The following ANGPTL2 variants were observed in gnomAD, a reference collection of about 807,000 sequenced individuals.
The protein encoded by ANGPTL2 is angiopoietin-related protein 2.
A neutral mutation model predicts 52.8 loss-of-function variants in ANGPTL2; 25 were observed. The observed-to-expected ratio is 0.47, with a 90% CI of 0.35 to 0.66. The LOEUF is 0.66. Among genes scored for constraint, ANGPTL2 ranks in the 30% least tolerant of loss-of-function variants. The probability of loss-of-function intolerance (pLI) is 0.01; values close to 1 mark genes in which losing one functional copy is unlikely to be tolerated. For missense variants in ANGPTL2, 546 were observed against 656.9 expected (o/e 0.83, Z 1.84); for synonymous variants, 276 against 277.4 (o/e 1.00, Z 0.05).
chr9:127,097,721 A>C (rs1050209834), intron 2 of ANGPTL2, among the ~76,000 whole-genome samples: 2 of 152,264 alleles, frequency 1.3e-5, no homozygotes, highest in African/African-American at 4.8e-5. Flanking sequence ...TAGCTGTTCC[A>C]TATAAATAAT....
chr9:127,112,294 C>T (rs951412076), intron 1 of ANGPTL2, among the ~76,000 whole-genome samples: 18 of 152,352 alleles, frequency 1.2e-4, no homozygotes, highest in African/African-American at 4.3e-4. Context: ...TTGGCTGCCC[C>T]TGTGCTAGTG....
Position 127,091,769 on chromosome 9 carries a change from G to A in ANGPTL2, c.1183C>T (p.Leu395=), listed in dbSNP as rs1236936268. 11 of 1,614,074 alleles carry A rather than the reference G, an allele frequency of 6.8e-6. No homozygotes were observed. The highest frequency in any genetic ancestry group is 9.3e-6 in the Non-Finnish European group (11 of 1,180,046). Residue 395 remains leucine, a synonymous_variant, in exon 4 of 5, where the codon CTG becomes TTG. Transcript: ENST00000373425. This position sits in a 1 kb window ranked among gnomAD's most constrained non-coding sequence, Gnocchi z 4.3. ...TTGCCATGGTAGCGCCCCAGCCGCAGCTTATAATACTCGCTCTCAGGTTCC... is the reference window on the plus strand; with the variant it reads ...TTGCCATGGTAGCGCCCCAGCCGCAACTTATAATACTCGCTCTCAGGTTCC... The part of the protein sequence containing the change: ...RLEPESEYYK[L]RLGRYHGNAG...
At chr9:127,115,100 A>C (rs2055259077) in intron 1 of ANGPTL2, among the ~76,000 whole-genome samples, 1 of 152,200 alleles carries the variant, frequency 6.6e-6, no homozygotes, top group Non-Finnish European at 1.5e-5. Flanking sequence ...GCTGTACTCT[A>C]TCTCATTGGC....
At chr9:127,089,697 C>CTTCACAAAAT (rs1427028875) in intron 4 of ANGPTL2, among the ~76,000 whole-genome samples, 1 of 152,226 alleles carries the variant, frequency 6.6e-6, no homozygotes, top group Non-Finnish European at 1.5e-5. Flanking sequence ...TTTTGTATTA[C>CTTCACAAAAT]TTCACAAAGG....
At chr9:127,105,348 C>A (rs1035001432) in intron 2 of ANGPTL2, among the ~76,000 whole-genome samples, 2 of 152,208 alleles carry the variant, frequency 1.3e-5, no homozygotes, top group African/African-American at 2.4e-5. Flanking sequence ...TGGATACACA[C>A]AGCCCACACT....
At position 127,088,882 on chromosome 9, in the gene ANGPTL2, G is replaced by A; in HGVS notation, c.*57C>T. On this transcript the variant is annotated 3_prime_UTR_variant, in exon 5 of 5. Coordinates refer to ENST00000373425, the MANE Select transcript of ANGPTL2 (RefSeq NM_012098.3). ...GGAGTTGTTCTTTGTGCTGTGGCCA[G>A]CGTGACCAGGGTGGGCTCCTGGCAA... The A allele has an allele frequency of 6.3e-7, 1 of 1,599,192 alleles. No homozygotes were observed. The highest frequency in any genetic ancestry group is 8.6e-7 in the Non-Finnish European group (1 of 1,166,932).
intron 2 of ANGPTL2, among the ~76,000 whole-genome samples, chr9:127,100,071 T>A (rs951017479): frequency 1.5e-4 from 23 of 152,268 alleles, no homozygotes; most frequent in Admixed American, 1.4e-3. Context: ...AAATTTTGTC[T>A]TCATGAAAAT....
At chr9:127,114,237 A>T (rs1004972343) in intron 1 of ANGPTL2, among the ~76,000 whole-genome samples, 8 of 152,230 alleles carry the variant, frequency 5.3e-5, no homozygotes, top group African/African-American at 1.9e-4. Context: ...TTTATATTGT[A>T]GCAATTTTCT....
intron 2 of ANGPTL2, among the ~76,000 whole-genome samples, chr9:127,095,813 T>C (rs2053063710): frequency 6.6e-6 from 1 of 152,222 alleles, no homozygotes; most frequent in Admixed American, 6.5e-5. Context: ...TTCTGGTCTC[T>C]GTTAGACATC....
Position 127,088,884 on chromosome 9 carries a change from G to C in ANGPTL2, c.*55C>G, listed in dbSNP as rs537547903. The C allele has an allele frequency of 1.9e-6, 3 of 1,601,488 alleles. No individual in the cohort carries two copies. The highest frequency in any genetic ancestry group is 2.6e-6 in the Non-Finnish European group (3 of 1,168,880). On this transcript the variant is annotated 3_prime_UTR_variant, in exon 5 of 5. Coordinates refer to ENST00000373425, the MANE Select transcript of ANGPTL2 (RefSeq NM_012098.3). Reference sequence around the variant, plus strand: ...AGTTGTTCTTTGTGCTGTGGCCAGCGTGACCAGGGTGGGCTCCTGGCAATG... The same window carrying C: ...AGTTGTTCTTTGTGCTGTGGCCAGCCTGACCAGGGTGGGCTCCTGGCAATG...
At chr9:127,119,839 G>A (rs2055858424) in intron 1 of ANGPTL2, among the ~76,000 whole-genome samples, 1 of 152,218 alleles carries the variant, frequency 6.6e-6, no homozygotes. Context: ...AAGTCAGTCA[G>A]AGCCTCTGCT....
chr9:127,091,038 G>A lies in ANGPTL2; in HGVS notation c.1282+632C>T, dbSNP rs1256705087. Reference sequence around the variant, plus strand: ...TCTCCTATCTGCTTTCCTCTTAATAGCTTCCTCTCAGCACTGCACTAGCAT... The same window carrying A: ...TCTCCTATCTGCTTTCCTCTTAATAACTTCCTCTCAGCACTGCACTAGCAT... On this transcript the variant is annotated intron_variant, in intron 4 of 4. Transcript: ENST00000373425. The surrounding 1 kb of genome is among the most constrained non-coding windows in gnomAD (Gnocchi z 4.3). Among the ~76,000 whole-genome samples the A allele has an allele frequency of 1.3e-5, 2 of 152,152 alleles. No individual in the cohort carries two copies. Among genetic ancestry groups the A allele is most frequent in the African/African-American group, 4.8e-5 (2 of 41,420 alleles).
intron 4 of ANGPTL2, among the ~76,000 whole-genome samples, chr9:127,090,696 CA>C (rs2052361241): frequency 6.6e-6 from 1 of 152,168 alleles, no homozygotes; most frequent in Non-Finnish European, 1.5e-5. Flanking sequence ...TGACCAAGAC[CA>C]CATAGGAAAT....
chr9:127,105,142 G>A (rs1349492937), intron 2 of ANGPTL2, among the ~76,000 whole-genome samples: 1 of 152,166 alleles, frequency 6.6e-6, no homozygotes, highest in Non-Finnish European at 1.5e-5. Context: ...GCCTTGTGTG[G>A]GAGCTCAGTG....
rs2052529571 is a variant in ANGPTL2, at chr9:127,091,927, T to A, written c.1025A>T (p.Asn342Ile). The A allele has an allele frequency of 6.2e-7, 1 of 1,613,788 alleles. No individual in the cohort carries two copies. The highest frequency in any genetic ancestry group is 1.1e-5 in the South Asian group (1 of 91,064). The change falls in exon 4 of 5, where the codon AAC (asparagine) becomes ATC (isoleucine). Residue 342 changes from asparagine to isoleucine, a missense_variant. Physicochemically the swap from Asn to Ile is moderately radical, Grantham distance 149 (BLOSUM62 -3). Transcript: ENST00000373425. The surrounding 1 kb of genome is among the most constrained non-coding windows in gnomAD (Gnocchi z 4.3). ...NWETYKQGFG[N>I]IDGEYWLGLE... ...GCCCAGCCAGTATTCGCCGTCAATG[T>A]TCCCAAACCCTTGCTGGGGAAAACC... is the stretch of plus-strand genomic sequence containing the variant.
intron 4 of ANGPTL2, among the ~76,000 whole-genome samples, chr9:127,090,102 A>G (rs1426519019): frequency 1.3e-5 from 2 of 152,174 alleles, no homozygotes; most frequent in Non-Finnish European, 2.9e-5. Context: ...CTGGGCCATG[A>G]TTCCAGGCCA....
At chr9:127,090,591 A>G (rs1432335355) in intron 4 of ANGPTL2, among the ~76,000 whole-genome samples, 1 of 152,158 alleles carries the variant, frequency 6.6e-6, no homozygotes, top group Non-Finnish European at 1.5e-5. Context: ...GATCCCCTCC[A>G]CCTTAGTATG....
intron 1 of ANGPTL2, among the ~76,000 whole-genome samples, chr9:127,120,619 C>T (rs1380246126): frequency 2.0e-5 from 3 of 152,152 alleles, no homozygotes; most frequent in African/African-American, 4.8e-5. Context: ...GTCAGGAGAT[C>T]GAGACCATCC....
Position 127,108,432 on chromosome 9 carries a change from C to G in ANGPTL2, c.300G>C (p.Lys100Asn), listed in dbSNP as rs2054467299. 2 of 1,608,764 alleles carry G rather than the reference C, an allele frequency of 1.2e-6. No individual in the cohort carries two copies. The highest frequency in any genetic ancestry group is 1.7e-5 in the Admixed American group (1 of 59,860). Reference sequence around the variant, plus strand: ...GCTGCTGCAGCGTCTCGATCTGCCGCTTCTGCTTGAGCAGCTCATTGTTGA... The same window carrying G: ...GCTGCTGCAGCGTCTCGATCTGCCGGTTCTGCTTGAGCAGCTCATTGTTGA... ...ELLNNELLKQKRQIETLQQLV... is the reference protein window; with the variant it reads ...ELLNNELLKQNRQIETLQQLV... The change falls in exon 2 of 5, where the codon AAG (lysine) becomes AAC (asparagine). Residue 100 changes from lysine to asparagine, a missense_variant. Lys to Asn is a moderately conservative substitution (Grantham distance 94, BLOSUM62 0). Transcript: ENST00000373425.
Sources: allele counts gnomAD v4.1 joint callset (sites outside exome capture counted in the v4.1 genomes callset), GRCh38; gene constraint gnomAD v4.1.1; non-coding constraint Gnocchi (gnomAD v3.1); transcripts MANE v1.5; gene names NCBI Gene and HGNC (gene_info 2026-07-23, HGNC 2026-07-21).